TTLL7: variants seen among roughly 807,000 people sequenced by gnomAD.
TTLL7 encodes the protein tubulin tyrosine ligase like 7.
A neutral mutation model predicts 120.2 loss-of-function variants in TTLL7; 53 were observed. The ratio of observed to expected loss-of-function variants is 0.44; its 90% CI spans 0.35 to 0.55. The LOEUF (loss-of-function observed/expected upper bound fraction) is 0.55, where lower values mean the gene tolerates loss of function less well. Among genes scored for constraint, TTLL7 ranks in the 20% least tolerant of loss-of-function variants. The pLI is 0.00. For synonymous variants in TTLL7, 353 were observed against 351.7 expected (o/e 1.00, Z -0.04); for missense variants, 803 against 1,054.7 (o/e 0.76, Z 3.31).
chr1:83,981,786 G>A (rs913472890), intron 1 of TTLL7, among the ~76,000 whole-genome samples: 3 of 149,380 alleles, frequency 2.0e-5, no homozygotes, highest in Non-Finnish European at 4.4e-5. Flanking sequence ...AGCCAAGATC[G>A]CACCACTGCA....
chr1:83,907,444 C>T lies in TTLL7; in HGVS notation c.1992+12G>A, dbSNP rs775672106. On this transcript the variant is annotated intron_variant, in intron 16 of 20. Coordinates refer to ENST00000260505, the MANE Select transcript of TTLL7 (RefSeq NM_024686.6). ...TCCCTGTAATCTTGAAAGAGCAAAA[C>T]AGATGACCTACCACTTGAGAGTTGG... The T allele has an allele frequency of 1.9e-6, 3 of 1,611,526 alleles. No homozygotes were observed. The highest frequency in any genetic ancestry group is 1.7e-6 in the Non-Finnish European group (2 of 1,178,550).
chr1:83,985,131 G>A (rs1011918888), intron 1 of TTLL7, among the ~76,000 whole-genome samples: 2 of 152,246 alleles, frequency 1.3e-5, no homozygotes, highest in Admixed American at 1.3e-4. Context: ...CCTGTAAGCT[G>A]GGGAAGACAG....
At chr1:83,925,459 C>T (rs1259266486) in intron 10 of TTLL7, among the ~76,000 whole-genome samples, 1 of 152,060 alleles carries the variant, frequency 6.6e-6, no homozygotes, top group Non-Finnish European at 1.5e-5. Flanking sequence ...TGCAGAATGA[C>T]AGAATGGAAG....
intron 18 of TTLL7, among the ~76,000 whole-genome samples, chr1:83,893,534 A>G (rs967202720): frequency 3.6e-5 from 2 of 56,252 alleles, no homozygotes; most frequent in Admixed American, 2.2e-4. Context: ...ACTTTCAAAC[A>G]TAAAGACTAA....
chr1:83,952,056 A>G (rs1021787187), intron 2 of TTLL7, 80 bp from the exon 3 acceptor site: 14 of 1,503,698 alleles, frequency 9.3e-6, no homozygotes, highest in Non-Finnish European at 1.3e-5. Context: ...CCCCCACCCC[A>G]CACCAAGGTA....
At chr1:83,983,649 C>G (rs1007856202) in intron 1 of TTLL7, among the ~76,000 whole-genome samples, 1 of 152,076 alleles carries the variant, frequency 6.6e-6, no homozygotes, top group African/African-American at 2.4e-5. Flanking sequence ...AGCTTTTGTA[C>G]AGCAAAAGAA....
intron 14 of TTLL7, among the ~76,000 whole-genome samples, chr1:83,916,987 G>A (rs1353662978): frequency 6.6e-6 from 1 of 151,772 alleles, no homozygotes; most frequent in African/African-American, 2.4e-5. Flanking sequence ...TGTAATCCCA[G>A]CTACTCAGGA....
At chr1:83,890,598 T>A in intron 18 of TTLL7, 117 bp from the exon 19 acceptor site, 1 of 726,248 alleles carries the variant, frequency 1.4e-6, no homozygotes, top group Non-Finnish European at 2.2e-6. Context: ...TGAGAACCTG[T>A]CTCTACAAAA....
At chr1:83,915,936 A>G (rs1658117135) in intron 14 of TTLL7, among the ~76,000 whole-genome samples, 1 of 152,244 alleles carries the variant, frequency 6.6e-6, no homozygotes, top group Non-Finnish European at 1.5e-5. Context: ...CAAAACCACA[A>G]TGAGATACCA....
intron 14 of TTLL7, among the ~76,000 whole-genome samples, chr1:83,911,860 G>A (rs1657708146): frequency 6.6e-6 from 1 of 151,834 alleles, no homozygotes; most frequent in Non-Finnish European, 1.5e-5. Flanking sequence ...TTGTGTGTGT[G>A]AGGGGGTGGG....
intron 19 of TTLL7, among the ~76,000 whole-genome samples, chr1:83,884,501 A>G (rs968170147): frequency 5.3e-5 from 8 of 151,868 alleles, no homozygotes; most frequent in Non-Finnish European, 1.0e-4. Flanking sequence ...ACAGCATGCC[A>G]TCAATGAATG....
intron 1 of TTLL7, among the ~76,000 whole-genome samples, chr1:83,992,418 T>C (rs1039997018): frequency 6.7e-6 from 1 of 149,908 alleles, no homozygotes; most frequent in Admixed American, 6.8e-5. Context: ...CTTGAGAAGA[T>C]ACTTTTTCCT....
chr1:83,918,551 T>C (rs1658379593), intron 13 of TTLL7, among the ~76,000 whole-genome samples: 1 of 152,158 alleles, frequency 6.6e-6, no homozygotes, highest in South Asian at 2.1e-4. Context: ...AATCCCAAAA[T>C]ACTCTTATTA....
chr1:83,878,982 A>G (rs1654205106), intron 20 of TTLL7, among the ~76,000 whole-genome samples: 1 of 151,966 alleles, frequency 6.6e-6, no homozygotes, highest in Non-Finnish European at 1.5e-5. Context: ...TTTTAATTTT[A>G]TAAATAAATT....
rs143033965 is a variant in TTLL7 at position 83,920,676 on chromosome 1, A to C, written c.1364+411T>G. The C allele has an allele frequency of 3.8e-4, 64 of 169,252 alleles. No homozygotes were observed. The East Asian group carries it at 9.0e-3, about 24-fold the overall frequency. The allele number at this position is 169,252 out of a possible 1,614,324, so 10.5% of individuals were successfully genotyped here. A position where few individuals can be genotyped will look rare whatever the true frequency, so the allele number is the denominator to read the frequency against. On this transcript the variant is annotated intron_variant, in intron 12 of 20. Coordinates refer to ENST00000260505, the MANE Select transcript of TTLL7 (RefSeq NM_024686.6). ...TGATATTGTGGAAGGGTTCCAGTTT[A>C]ACACAGCCCACATCCCTCTCCACTG...
chr1:83,960,256 A>T (rs1009447763), intron 1 of TTLL7, among the ~76,000 whole-genome samples: 2 of 152,184 alleles, frequency 1.3e-5, no homozygotes, highest in African/African-American at 4.8e-5. Context: ...AAGGACTCTA[A>T]GAGGAGTAAT....
intron 18 of TTLL7, among the ~76,000 whole-genome samples, chr1:83,891,863 T>C (rs1447941289): frequency 6.6e-6 from 1 of 152,048 alleles, no homozygotes; most frequent in Non-Finnish European, 1.5e-5. Context: ...GGTCTCGCTC[T>C]GTCACCCAGG....
At chr1:83,881,764 T>C (rs1264282693) in intron 20 of TTLL7, among the ~76,000 whole-genome samples, 1 of 151,218 alleles carries the variant, frequency 6.6e-6, no homozygotes, top group East Asian at 1.9e-4. Context: ...CTATAAATCA[T>C]GCTGCTATAA....
At chr1:83,962,290 T>C (rs1194691803) in intron 1 of TTLL7, among the ~76,000 whole-genome samples, 2 of 152,134 alleles carry the variant, frequency 1.3e-5, no homozygotes, top group Admixed American at 6.6e-5. Flanking sequence ...GTATCACTAA[T>C]AGCCAAACAT....
Sources: allele counts gnomAD v4.1 joint callset (sites outside exome capture counted in the v4.1 genomes callset), GRCh38; gene constraint gnomAD v4.1.1; transcripts MANE v1.5; gene names NCBI Gene and HGNC (gene_info 2026-07-23, HGNC 2026-07-21).